Variants in CDC42SE2 observed in about 807,000 individuals in gnomAD.
CDC42SE2 encodes CDC42 small effector protein 2.
CDC42SE2 carries 3 observed loss-of-function variants against 11.5 expected under a neutral mutation model. The ratio of observed to expected loss-of-function variants is 0.26; its 90% CI spans 0.12 to 0.67. The LOEUF is 0.67. Among genes scored for constraint, CDC42SE2 ranks in the 30% least tolerant of loss-of-function variants. The pLI, the probability that CDC42SE2 is intolerant of heterozygous loss-of-function variation, is 0.80. For missense variants in CDC42SE2, 82 were observed against 106.8 expected (o/e 0.77, Z 1.02); for synonymous variants, 33 against 34.8 (o/e 0.95, Z 0.18).
chr5:131,266,349 G>A (rs1432838564), intron 1 of CDC42SE2, among the ~76,000 whole-genome samples: 2 of 151,724 alleles, frequency 1.3e-5, no homozygotes. Flanking sequence ...TATTTAAGTG[G>A]GCTGTTTTGA....
intron 3 of CDC42SE2, among the ~76,000 whole-genome samples, chr5:131,359,942 A>G (rs911211539): frequency 6.6e-6 from 1 of 152,144 alleles, no homozygotes; most frequent in Non-Finnish European, 1.5e-5. Flanking sequence ...TCCTCAGAGC[A>G]ACCCTCTGAG....
At chr5:131,347,485 T>C (rs559371347) in intron 2 of CDC42SE2, among the ~76,000 whole-genome samples, 1 of 152,150 alleles carries the variant, frequency 6.6e-6, no homozygotes, top group Non-Finnish European at 1.5e-5. Context: ...AATAACAGGC[T>C]CTGAAATTGA....
chr5:131,300,419 G>A (rs971020806), intron 1 of CDC42SE2, among the ~76,000 whole-genome samples: 1 of 152,120 alleles, frequency 6.6e-6, no homozygotes, highest in Non-Finnish European at 1.5e-5. Context: ...CAGTATTTTA[G>A]TTATAAATTA....
chr5:131,284,099 T>C (rs370765174), intron 1 of CDC42SE2, among the ~76,000 whole-genome samples: 6 of 152,218 alleles, frequency 3.9e-5, no homozygotes, highest in Non-Finnish European at 7.3e-5. Context: ...GTAGGAAATA[T>C]GTGGCCTTTT....
At chr5:131,336,438 A>T (rs1442468187) in intron 2 of CDC42SE2, among the ~76,000 whole-genome samples, 1 of 152,058 alleles carries the variant, frequency 6.6e-6, no homozygotes, top group African/African-American at 2.4e-5. Flanking sequence ...TGAATCTGAC[A>T]ATTACGTGTC....
intron 1 of CDC42SE2, among the ~76,000 whole-genome samples, chr5:131,277,808 T>A (rs998316564): frequency 6.6e-6 from 1 of 152,212 alleles, no homozygotes; most frequent in Non-Finnish European, 1.5e-5. Context: ...CATCACTGTT[T>A]TAATTTCTTC....
intron 1 of CDC42SE2, among the ~76,000 whole-genome samples, chr5:131,266,822 A>G (rs1756876024): frequency 6.6e-6 from 1 of 152,014 alleles, no homozygotes; most frequent in South Asian, 2.1e-4. Context: ...TTAAATGTGT[A>G]TTTCTCGGAA....
chr5:131,349,163 C>T (rs1329841040), intron 2 of CDC42SE2, among the ~76,000 whole-genome samples: 1 of 151,936 alleles, frequency 6.6e-6, no homozygotes, highest in Non-Finnish European at 1.5e-5. Flanking sequence ...ACTTTGCAGC[C>T]ATAAAAAAGG....
chr5:131,311,929 C>T (rs1757925912), intron 1 of CDC42SE2, among the ~76,000 whole-genome samples: 3 of 152,150 alleles, frequency 2.0e-5, no homozygotes, highest in African/African-American at 4.8e-5. Context: ...CGTCTGAAGC[C>T]TTCTTCACTC....
chr5:131,339,246 G>GAAAAAA (rs34594352), intron 2 of CDC42SE2, among the ~76,000 whole-genome samples: 1 of 28,242 alleles, frequency 3.5e-5, no homozygotes, highest in African/African-American at 1.0e-4. Flanking sequence ...GACTCTGTCT[G>GAAAAAA]AAAAAAAAAA....
the CDC42SE2 span, among the ~76,000 whole-genome samples, chr5:131,234,526 C>G: frequency 6.6e-6 from 1 of 151,558 alleles, no homozygotes; most frequent in Non-Finnish European, 1.5e-5. Context: ...ATCCCAGCTA[C>G]TCGGGAGGCT....
intron 1 of CDC42SE2, among the ~76,000 whole-genome samples, chr5:131,312,994 T>A (rs572426325): frequency 6.6e-6 from 1 of 151,988 alleles, no homozygotes; most frequent in Non-Finnish European, 1.5e-5. Context: ...CTTTTCTTTT[T>A]TTTTTTTAGA....
intron 3 of CDC42SE2, among the ~76,000 whole-genome samples, chr5:131,373,666 G>A (rs896405677): frequency 2.0e-5 from 3 of 152,134 alleles, no homozygotes; most frequent in Non-Finnish European, 4.4e-5. Flanking sequence ...GGAATGAACT[G>A]AATAAAAGAA....
the CDC42SE2 span, among the ~76,000 whole-genome samples, chr5:131,213,814 A>G: frequency 5.9e-5 from 9 of 152,310 alleles, no homozygotes; most frequent in Non-Finnish European, 1.2e-4. Flanking sequence ...TTCATTGTTA[A>G]TATCTCTAGT....
At position 131,356,381 on chromosome 5, in the gene CDC42SE2, G is replaced by C. The variant is rs1015329992; in HGVS notation, c.-285-2828G>C. Among the ~76,000 whole-genome samples, 2 of 152,102 alleles carry C rather than the reference G, an allele frequency of 1.3e-5. 1 individual carries two copies. Among genetic ancestry groups the C allele is most frequent in the African/African-American group, 4.8e-5 (2 of 41,406 alleles). On this transcript the variant is annotated intron_variant, in intron 2 of 4. Transcript: ENST00000505065. ...TGAAGAATTCAATACTTCCTTGAAG[G>C]TGTTTATATGTAAATATGTTTTACA... is the stretch of plus-strand genomic sequence containing the variant.
intron 1 of CDC42SE2, among the ~76,000 whole-genome samples, chr5:131,312,041 T>G (rs924735141): frequency 2.0e-5 from 3 of 152,312 alleles, no homozygotes. Flanking sequence ...AGTTTCCAGT[T>G]TTTCCGTTCT....
intron 3 of CDC42SE2, among the ~76,000 whole-genome samples, chr5:131,369,303 G>A (rs1383059822): frequency 6.6e-6 from 1 of 152,106 alleles, no homozygotes. Flanking sequence ...TTGTTTGGCT[G>A]TACCATAATA....
intron 1 of CDC42SE2, among the ~76,000 whole-genome samples, chr5:131,275,071 A>C (rs1035001101): frequency 6.6e-6 from 1 of 152,168 alleles, no homozygotes; most frequent in African/African-American, 2.4e-5. Context: ...TGTGTATGTA[A>C]AGTGAAAATA....
chr5:131,353,924 A>G (rs75689199), intron 2 of CDC42SE2, among the ~76,000 whole-genome samples: 1 of 151,732 alleles, frequency 6.6e-6, no homozygotes, highest in Non-Finnish European at 1.5e-5. Context: ...AAAAAAAAAA[A>G]TTATCGTTTA....
Sources: allele counts gnomAD v4.1 joint callset (sites outside exome capture counted in the v4.1 genomes callset), GRCh38; gene constraint gnomAD v4.1.1; transcripts MANE v1.5; gene names NCBI Gene and HGNC (gene_info 2026-07-23, HGNC 2026-07-21).